The following NTMT1 variants were observed in gnomAD, a reference collection of about 807,000 sequenced individuals.
The protein encoded by NTMT1 is N-terminal RCC1 methyltransferase.
Under a neutral mutation model 17.5 loss-of-function variants are expected in NTMT1, and 8 were observed. That is an observed-to-expected ratio of 0.46 (90% CI 0.27 to 0.82). The LOEUF is 0.82. Ranked by LOEUF, NTMT1 falls within the 40% of genes least tolerant of loss-of-function variation. NTMT1 has a pLI of 0.15. For synonymous variants in NTMT1, 128 were observed against 126.8 expected (o/e 1.01, Z -0.06); for missense variants, 221 against 303.5 (o/e 0.73, Z 2.02).
intron 1 of NTMT1, among the ~76,000 whole-genome samples, chr9:129,629,399 T>TTCG (rs1470156117): frequency 1.3e-5 from 2 of 151,610 alleles, no homozygotes; most frequent in Non-Finnish European, 2.9e-5. Context: ...ATTCTTCTTC[T>TTCG]TCTTTTTTTG....
In NTMT1 at chr9:129,620,167, G is replaced by A. The variant is rs1305255725; in HGVS notation, c.-55+10989G>A. 9 of 1,462,300 alleles carry A rather than the reference G, an allele frequency of 6.2e-6. No individual in the cohort carries two copies. The highest frequency in any genetic ancestry group is 8.2e-6 in the Non-Finnish European group (9 of 1,103,272). The allele number at this position is 1,462,300 out of a possible 1,614,324, so 90.6% of individuals were successfully genotyped here. On this transcript the variant is annotated intron_variant, in intron 1 of 3. Transcript: ENST00000372486. The surrounding 1 kb of genome is among the most constrained non-coding windows in gnomAD (Gnocchi z 5.8). ...CTCCTAGGAAGGCGCCCAAGAAGTCGGGGTCCTCCCTGGCCACGCGCCTCC... is the reference window on the plus strand; with the variant it reads ...CTCCTAGGAAGGCGCCCAAGAAGTCAGGGTCCTCCCTGGCCACGCGCCTCC...
In NTMT1 at chr9:129,635,643, G is replaced by A; in HGVS notation, c.*179G>A. 1 of 773,062 alleles carries A rather than the reference G, an allele frequency of 1.3e-6. No homozygotes were observed. The highest frequency in any genetic ancestry group is 2.5e-5 in the East Asian group (1 of 39,304). The allele number at this position is 773,062 out of a possible 1,614,324, so 47.9% of individuals were successfully genotyped here. A position where few individuals can be genotyped will look rare whatever the true frequency, so the allele number is the denominator to read the frequency against. On this transcript the variant is annotated 3_prime_UTR_variant, in exon 4 of 4. Coordinates refer to ENST00000372483, the MANE Select transcript of NTMT1 (RefSeq NM_014064.4). ...AAAAGGCAAGGTGGGACCCGGCGGGGAGGGTGCTGCTGAACCAGCGGTGAG... is the reference window on the plus strand; with the variant it reads ...AAAAGGCAAGGTGGGACCCGGCGGGAAGGGTGCTGCTGAACCAGCGGTGAG...
chr9:129,625,401 T>C (rs1830856391), upstream of NTMT1, among the ~76,000 whole-genome samples: 1 of 152,212 alleles, frequency 6.6e-6, no homozygotes, highest in Non-Finnish European at 1.5e-5. Flanking sequence ...CAATGGCTTT[T>C]TTTTCCCTTT....
upstream of NTMT1, among the ~76,000 whole-genome samples, chr9:129,625,965 T>C (rs1207779625): frequency 6.9e-6 from 1 of 145,524 alleles, no homozygotes; most frequent in East Asian, 2.0e-4. Context: ...TGAGCCGAGA[T>C]CGCGCCACTG....
rs189273518 is a variant in NTMT1 at position 129,615,163 on chromosome 9, G to A, written c.-55+5985G>A. 3.9e-3 allele frequency among the ~76,000 whole-genome samples: 594 copies of A among 152,322 alleles called. 3 individuals carry two copies. The highest frequency in any genetic ancestry group is 0.017 in the Middle Eastern group (5 of 294). On this transcript the variant is annotated intron_variant, in intron 1 of 3. Coordinates refer to the NTMT1 transcript ENST00000372486. ...TGTAGGCTGTGGGGACTGCGGAGGG[G>A]AGCAAGTGTGGGCTCTGGAGGCTCC...
chr9:129,620,312 C>G lies in NTMT1; in HGVS notation c.-55+11134C>G. 8.0e-7 allele frequency: 1 copy of G among 1,243,076 alleles called. No individual in the cohort carries two copies. The highest frequency in any genetic ancestry group is 1.0e-6 in the Non-Finnish European group (1 of 991,404). The allele number at this position is 1,243,076 out of a possible 1,614,324, so 77.0% of individuals were successfully genotyped here. A position where few individuals can be genotyped will look rare whatever the true frequency, so the allele number is the denominator to read the frequency against. On this transcript the variant is annotated intron_variant, in intron 1 of 3. Coordinates refer to the NTMT1 transcript ENST00000372486. This position sits in a 1 kb window ranked among gnomAD's most constrained non-coding sequence, Gnocchi z 5.8. ...CAGCCCCCGCTTCCGCACGGCCCGCCGGGTCGCGGTGAGCAAGGCGGGCAG... is the reference window on the plus strand; with the variant it reads ...CAGCCCCCGCTTCCGCACGGCCCGCGGGGTCGCGGTGAGCAAGGCGGGCAG...
chr9:129,610,605 G>A (rs1408743323), intron 1 of NTMT1, among the ~76,000 whole-genome samples: 2 of 151,930 alleles, frequency 1.3e-5, no homozygotes, highest in East Asian at 3.9e-4. Context: ...GGCGGAGGCG[G>A]GCGGGCGCGA....
At chr9:129,621,084 G>A (rs1830686562) in intron 1 of NTMT1, among the ~76,000 whole-genome samples, 3 of 152,220 alleles carry the variant, frequency 2.0e-5, no homozygotes, top group Admixed American at 2.0e-4. Context: ...CGGCATCACC[G>A]CATCACCGCT....
chr9:129,634,709 G>C (rs1386147683), intron 3 of NTMT1: 2 of 226,504 alleles, frequency 8.8e-6, no homozygotes, highest in African/African-American at 4.6e-5. Context: ...TGTGCCCTGG[G>C]CTGCTGACGT....
In NTMT1 at chr9:129,635,515, T is replaced by A; in HGVS notation, c.*51T>A. 1 of 1,571,082 alleles carries A rather than the reference T, an allele frequency of 6.4e-7. No homozygotes were observed. The highest frequency in any genetic ancestry group is 8.6e-7 in the Non-Finnish European group (1 of 1,157,344). ...GAACCACAGTCCTGGTGGGGGGAGCTGGCAGCTGGGCAAGATCCAGGCGCC... is the reference window on the plus strand; with the variant it reads ...GAACCACAGTCCTGGTGGGGGGAGCAGGCAGCTGGGCAAGATCCAGGCGCC... On this transcript the variant is annotated 3_prime_UTR_variant, in exon 4 of 4. Transcript: ENST00000372483.
chr9:129,616,639 C>T (rs937864391), intron 1 of NTMT1, among the ~76,000 whole-genome samples: 2 of 152,098 alleles, frequency 1.3e-5, no homozygotes, highest in African/African-American at 4.8e-5. Context: ...ATTATAGGCA[C>T]AATAATACCA....
Position 129,613,092 on chromosome 9 carries a change from A to G in NTMT1, c.-55+3914A>G. 6.2e-7 allele frequency: 1 copy of G among 1,613,660 alleles called. No homozygotes were observed. The highest frequency in any genetic ancestry group is 8.5e-7 in the Non-Finnish European group (1 of 1,179,992). On this transcript the variant is annotated intron_variant, in intron 1 of 3. Transcript: ENST00000372486. This position sits in a 1 kb window ranked among gnomAD's most constrained non-coding sequence, Gnocchi z 6.2. Reference sequence around the variant, plus strand: ...TCACCAGCTTCTAGGTCCAGGAGCAAGACCATTTGCCCACCTGCTCCAGGT... The same window carrying G: ...TCACCAGCTTCTAGGTCCAGGAGCAGGACCATTTGCCCACCTGCTCCAGGT...
intron 1 of NTMT1, among the ~76,000 whole-genome samples, chr9:129,616,908 C>A (rs951683672): frequency 6.6e-6 from 1 of 152,054 alleles, no homozygotes; most frequent in African/African-American, 2.4e-5. Flanking sequence ...CCCGTCTCTA[C>A]CAAAAATACA....
rs982594373 is a variant in NTMT1 at position 129,634,373 on chromosome 9, G to A, written c.415+67G>A. ...CTGCCACTCGCGTTCCCCATAAGGT[G>A]TCAGGACCAGGGCTTTGCACTCCTG... On this transcript the variant is annotated intron_variant, in intron 3 of 3. Transcript: ENST00000372483. 12 of 1,533,888 alleles carry A rather than the reference G, an allele frequency of 7.8e-6. No individual in the cohort carries two copies. In the African/African-American group the frequency reaches 1.2e-4, roughly 16 times the overall value.
chr9:129,635,041 G>A, intron 3 of NTMT1, 167 bp from the exon 4 acceptor site: 1 of 755,034 alleles, frequency 1.3e-6, no homozygotes, highest in Non-Finnish European at 2.1e-6. Flanking sequence ...CCTATTCTAT[G>A]AATTGGGGTT....
chr9:129,623,345 A>AAGAAGGAAG (rs1554775222), upstream of NTMT1, among the ~76,000 whole-genome samples: 7,000 of 142,632 alleles, frequency 0.049, 212 homozygotes, highest in South Asian at 0.093. Flanking sequence ...AAAAAAAAAA[A>AAGAAGGAAG]GAAGGAAGGA....
chr9:129,627,271 C>T (rs1352186580), intron 1 of NTMT1, among the ~76,000 whole-genome samples: 1 of 152,088 alleles, frequency 6.6e-6, no homozygotes, highest in Non-Finnish European at 1.5e-5. Flanking sequence ...GCAGAGGAAG[C>T]TCACTCCCCA....
chr9:129,619,321 G>A (rs749090122), intron 1 of NTMT1, among the ~76,000 whole-genome samples: 5 of 152,140 alleles, frequency 3.3e-5, no homozygotes, highest in Non-Finnish European at 5.9e-5. Context: ...TTAATGGATG[G>A]GTTGATTCAT....
At chr9:129,624,215 C>T (rs1390658434), upstream of NTMT1, among the ~76,000 whole-genome samples, 1 of 152,166 alleles carries the variant, frequency 6.6e-6, no homozygotes, top group Non-Finnish European at 1.5e-5. Flanking sequence ...AGGGAGCCGG[C>T]CAGTCCTGGG....
Sources: allele counts gnomAD v4.1 joint callset (sites outside exome capture counted in the v4.1 genomes callset), GRCh38; gene constraint gnomAD v4.1.1; non-coding constraint Gnocchi (gnomAD v3.1); transcripts MANE v1.5; gene names NCBI Gene and HGNC (gene_info 2026-07-23, HGNC 2026-07-21).